PFKFB4: variants seen among roughly 807,000 people sequenced by gnomAD.
PFKFB4 encodes 6-phosphofructo-2-kinase/fructose-2,6-biphosphatase 4, also known as 6-phosphofructo-2-kinase/fructose-2,6-bisphosphatase 4.
A neutral mutation model predicts 62.8 loss-of-function variants in PFKFB4; 42 were observed. The observed-to-expected ratio is 0.67, with a 90% CI of 0.52 to 0.86. The LOEUF is 0.86. Ranked by LOEUF, PFKFB4 falls within the 40% of genes least tolerant of loss-of-function variation. The pLI, the probability that PFKFB4 is intolerant of heterozygous loss-of-function variation, is 0.00. For missense variants in PFKFB4, 475 were observed against 627.2 expected, an observed-to-expected ratio of 0.76 and a Z score of 2.59; for synonymous variants, 204 against 240.7, an observed-to-expected ratio of 0.85 and a Z score of 1.41.
chr3:48,559,899 CACACACACACACA>C, upstream of PFKFB4: 9 of 7,810 alleles, frequency 1.2e-3, no homozygotes, highest in South Asian at 0.015. Context: ...ACCATCCCAC[CACACACACACACA>C]CACACACACA....
At position 48,550,896 on chromosome 3, in the gene PFKFB4, T is replaced by A. The variant is rs1176781320; in HGVS notation, c.98-662A>T. Among the ~76,000 whole-genome samples, 7 of 152,336 alleles carry A rather than the reference T, an allele frequency of 4.6e-5. No homozygotes were observed. In the East Asian group the frequency reaches 1.3e-3, roughly 29 times the overall value. ...GAAGCCCTGTGGTATCTGAGCCCTTTAGGGCCCTGGGGCCTGGCACAGCGC... is the reference window on the plus strand; with the variant it reads ...GAAGCCCTGTGGTATCTGAGCCCTTAAGGGCCCTGGGGCCTGGCACAGCGC... On this transcript the variant is annotated intron_variant, in intron 1 of 13. Coordinates refer to ENST00000232375, the MANE Select transcript of PFKFB4 (RefSeq NM_004567.4).
chr3:48,539,637 C>T, intron 5 of PFKFB4, 60 bp downstream of exon 5: 1 of 1,385,456 alleles, frequency 7.2e-7, no homozygotes, highest in Non-Finnish European at 1.0e-6. Context: ...GTGAAAGGAG[C>T]CCTGGAGGGC....
intron 9 of PFKFB4, among the ~76,000 whole-genome samples, chr3:48,532,152 C>CA (rs960628368): frequency 2.0e-5 from 3 of 151,686 alleles, no homozygotes; most frequent in Non-Finnish European, 4.4e-5. Context: ...ACTAAAAATA[C>CA]AAAAAAAATT....
In PFKFB4 at chr3:48,536,382, G is replaced by A. The variant is rs748378348; in HGVS notation, c.714C>T (p.Ile238=). 6.2e-6 allele frequency: 10 copies of A among 1,614,066 alleles called. No individual in the cohort carries two copies. The Admixed American group carries it at 6.7e-5, about 11-fold the overall frequency. Reference sequence around the variant, plus strand: ...CGTGGATGTTCATGAGGTAATATACGATGCGGCTCTGGATGTGGTCAGCCA... The same window carrying A: ...CGTGGATGTTCATGAGGTAATATACAATGCGGCTCTGGATGTGGTCAGCCA... ...NRVADHIQSR[I]VYYLMNIHVT... The change falls in exon 8 of 14, where the codon ATC becomes ATT. Residue 238 remains isoleucine, a synonymous_variant. Coordinates refer to ENST00000232375, the MANE Select transcript of PFKFB4 (RefSeq NM_004567.4).
chr3:48,540,481 C>T (rs966167585), intron 4 of PFKFB4, among the ~76,000 whole-genome samples: 5 of 152,198 alleles, frequency 3.3e-5, no homozygotes, highest in East Asian at 1.9e-4. Flanking sequence ...TCCAGCCAGG[C>T]ACTGACCCAT....
intron 1 of PFKFB4, among the ~76,000 whole-genome samples, chr3:48,552,076 T>C (rs1575401398): frequency 1.3e-5 from 2 of 152,200 alleles, no homozygotes; most frequent in East Asian, 3.8e-4. Flanking sequence ...CCAGAAGCAC[T>C]TCCGCAGGGG....
chr3:48,541,006 A>AC (rs2107544712), intron 4 of PFKFB4, among the ~76,000 whole-genome samples: 1 of 150,840 alleles, frequency 6.6e-6, no homozygotes, highest in East Asian at 2.0e-4. Context: ...CGAACTCCTG[A>AC]CCTCATGATC....
intron 11 of PFKFB4, 47 bp downstream of exon 11, chr3:48,523,654 T>A: frequency 6.2e-7 from 1 of 1,614,082 alleles, no homozygotes; most frequent in Non-Finnish European, 8.5e-7. Context: ...TGACAGTGCC[T>A]ACCTTCTCAC....
At chr3:48,562,469 C>T (rs770883951), upstream of PFKFB4, 4 of 391,948 alleles carry the variant, frequency 1.0e-5, no homozygotes, top group Non-Finnish European at 1.8e-5. This position sits in a 1 kb window ranked among gnomAD's most constrained non-coding sequence, Gnocchi z 4.3. Flanking sequence ...CCTTACGTGG[C>T]AGCATCCAAG....
At chr3:48,560,120 A>T (rs9866124), upstream of PFKFB4, among the ~76,000 whole-genome samples, 9,123 of 152,190 alleles carry the variant, frequency 0.06, 843 homozygotes, top group African/African-American at 0.2. Flanking sequence ...ATAAAGACCC[A>T]GGGGTTTCAG....
chr3:48,533,434 C>T lies in PFKFB4; in HGVS notation c.987+2078G>A, dbSNP rs144057591. 7.6e-3 allele frequency among the ~76,000 whole-genome samples: 1,162 copies of T among 152,218 alleles called. 16 individuals are homozygous for T. The highest frequency in any genetic ancestry group is 0.027 in the African/African-American group (1,113 of 41,530). ...CAGGGGTGGTAATATTCAAATTAGT[C>T]AAAGTATATATCCACAGAAAAAGCT... On this transcript the variant is annotated intron_variant, in intron 9 of 13. Transcript: ENST00000232375.
chr3:48,544,136 T>G (rs2042887342), intron 3 of PFKFB4, among the ~76,000 whole-genome samples: 1 of 151,748 alleles, frequency 6.6e-6, no homozygotes, highest in Non-Finnish European at 1.5e-5. Context: ...CTCAGCCTAC[T>G]GAGTAGCTGG....
chr3:48,538,859 A>AG (rs2107535504), intron 6 of PFKFB4, among the ~76,000 whole-genome samples: 1 of 152,318 alleles, frequency 6.6e-6, no homozygotes, highest in Non-Finnish European at 1.5e-5. Context: ...CTTGTGGTAC[A>AG]GGGGGAGGCC....
At chr3:48,525,272 C>G (rs1418609378) in intron 10 of PFKFB4, among the ~76,000 whole-genome samples, 5 of 152,170 alleles carry the variant, frequency 3.3e-5, no homozygotes, top group African/African-American at 7.2e-5. Flanking sequence ...TCCGAATTCT[C>G]CACCCCTGGG....
intron 9 of PFKFB4, among the ~76,000 whole-genome samples, chr3:48,535,015 G>C (rs949379221): frequency 3.5e-4 from 54 of 152,146 alleles, no homozygotes; most frequent in African/African-American, 1.3e-3. Flanking sequence ...CACCATGTTG[G>C]CCAGGCTGGA....
At chr3:48,542,190 C>T (rs1205598106) in intron 4 of PFKFB4, among the ~76,000 whole-genome samples, 2 of 151,890 alleles carry the variant, frequency 1.3e-5, no homozygotes, top group African/African-American at 2.4e-5. Flanking sequence ...AAAAATTAGC[C>T]GGGCACAGTG....
At chr3:48,558,321 A>G (rs2043380215), upstream of PFKFB4, among the ~76,000 whole-genome samples, 1 of 152,076 alleles carries the variant, frequency 6.6e-6, no homozygotes, top group South Asian at 2.1e-4. Flanking sequence ...CACGGCTTCA[A>G]CCTGAGCCAC....
Position 48,523,693 on chromosome 3 carries a change from GC to G in PFKFB4, c.1222+7del. On this transcript the variant is annotated splice_region_variant and intron_variant, in intron 11 of 13. Coordinates refer to ENST00000232375, the MANE Select transcript of PFKFB4 (RefSeq NM_004567.4). ...ACCTTCCCACCTCCCCCGGGGCACA[GC>G]CCACACCTGCTGCCTTGTCGAGGAA... The G allele has an allele frequency of 6.2e-7, 1 of 1,614,106 alleles. No individual in the cohort carries two copies. Among genetic ancestry groups the G allele is most frequent in the Middle Eastern group, 1.6e-4 (1 of 6,062 alleles).
chr3:48,549,987 C>G (rs375443685), intron 2 of PFKFB4, 27 bp from the exon 3 acceptor site: 102 of 1,561,300 alleles, frequency 6.5e-5, no homozygotes, highest in Middle Eastern at 3.3e-4. Flanking sequence ...GCTCAGCTTT[C>G]ACAGCAACAG....
Sources: gnomAD v4.1 joint callset for allele counts (sites outside exome capture counted in the v4.1 genomes callset) on GRCh38, gnomAD v4.1.1 for gene constraint, Gnocchi (gnomAD v3.1) non-coding constraint, MANE v1.5 for transcripts, NCBI Gene and HGNC (gene_info 2026-07-23, HGNC 2026-07-21) for gene names.